Variants in RPS29 observed in about 807,000 individuals in gnomAD.
The protein encoded by RPS29 is ribosomal protein S29.
For synonymous variants in RPS29, 37 were observed against 26.9 expected (o/e 1.37, Z -1.16); for missense variants, 60 against 75.7 (o/e 0.79, Z 0.77).
chr14:49,587,106 G>A (rs1263650444), upstream of RPS29, among the ~76,000 whole-genome samples: 2 of 152,128 alleles, frequency 1.3e-5, no homozygotes, highest in East Asian at 1.9e-4. Context: ...TTGTTAAAGA[G>A]AGTACGTTTT....
downstream of RPS29, among the ~76,000 whole-genome samples, chr14:49,582,010 C>CA (rs953791885): frequency 2.2e-4 from 11 of 50,236 alleles, no homozygotes; most frequent in Non-Finnish European, 4.9e-5. Flanking sequence ...GACCCTGCCC[C>CA]CCAAAAAAAA....
chr14:49,576,469 C>T (rs539472662), exon 3 of RPS29: 13 of 152,158 alleles, frequency 8.5e-5, no homozygotes, highest in African/African-American at 3.1e-4. Flanking sequence ...CTTAATCATA[C>T]CACTAGAAGT....
intron 2 of RPS29, among the ~76,000 whole-genome samples, chr14:49,584,835 G>T (rs1175740574): frequency 1.3e-5 from 2 of 151,332 alleles, no homozygotes; most frequent in Non-Finnish European, 2.9e-5. Flanking sequence ...GAAAGCTGGT[G>T]ATTTTTATCT....
At chr14:49,589,512 A>G (rs1881668242), upstream of RPS29, among the ~76,000 whole-genome samples, 1 of 152,216 alleles carries the variant, frequency 6.6e-6, no homozygotes, top group Non-Finnish European at 1.5e-5. Context: ...AATTATTCTT[A>G]CAGTCTTCTG....
rs763233182 is a variant in RPS29 at position 49,583,642 on chromosome 14, G to T, written c.*25C>A. Reference sequence around the variant, plus strand: ...TGGTTTTTCATTGAGTAGATGCCCCGGATAATCCTCTGAAGGAAGAGCATT... The same window carrying T: ...TGGTTTTTCATTGAGTAGATGCCCCTGATAATCCTCTGAAGGAAGAGCATT... On this transcript the variant is annotated 3_prime_UTR_variant, in exon 3 of 3. Transcript: ENST00000245458. 1 of 1,578,898 alleles carries T rather than the reference G, an allele frequency of 6.3e-7. No individual in the cohort carries two copies. The highest frequency in any genetic ancestry group is 1.2e-5 in the South Asian group (1 of 84,968).
upstream of RPS29, chr14:49,598,706 T>G (rs752306798): frequency 2.3e-5 from 16 of 699,304 alleles, 1 homozygote; most frequent in Non-Finnish European, 7.8e-6. Flanking sequence ...CAACCACCGC[T>G]GCCAGCTGCG....
upstream of RPS29, among the ~76,000 whole-genome samples, chr14:49,590,328 T>A (rs1460875452): frequency 6.6e-6 from 1 of 151,924 alleles, no homozygotes; most frequent in Non-Finnish European, 1.5e-5. Flanking sequence ...ATACAAAAAT[T>A]AGCCAGGCAT....
downstream of RPS29, among the ~76,000 whole-genome samples, chr14:49,579,069 A>T (rs1248090351): frequency 6.6e-6 from 1 of 152,174 alleles, no homozygotes; most frequent in Non-Finnish European, 1.5e-5. Flanking sequence ...TATGTCCCCC[A>T]TAAAATCCAC....
downstream of RPS29, among the ~76,000 whole-genome samples, chr14:49,579,090 C>G (rs1215014711): frequency 5.3e-5 from 8 of 152,084 alleles, no homozygotes; most frequent in African/African-American, 1.9e-4. Flanking sequence ...ATGATGAAAC[C>G]CTAGCCTGTG....
chr14:49,587,943 A>G (rs1309655191), upstream of RPS29, among the ~76,000 whole-genome samples: 1 of 152,380 alleles, frequency 6.6e-6, no homozygotes, highest in East Asian at 1.9e-4. Flanking sequence ...AGAATAGAAG[A>G]TGGACAAAAG....
chr14:49,592,166 TCTTA>T (rs1382766319), intron 1 of RPS29: 1 of 152,070 alleles, frequency 6.6e-6, no homozygotes, highest in Non-Finnish European at 1.5e-5. Flanking sequence ...CATCCCAGAT[TCTTA>T]CTTATTTTTT....
intron 1 of RPS29, among the ~76,000 whole-genome samples, chr14:49,596,918 CTTTT>C (rs11294951): frequency 8.2e-6 from 1 of 121,934 alleles, no homozygotes; most frequent in Non-Finnish European, 1.7e-5. Context: ...TTTTCTTCTT[CTTTT>C]TTTTTTTTTT....
exon 3 of RPS29, chr14:49,574,127 G>C (rs544434324): frequency 6.6e-6 from 1 of 152,306 alleles, no homozygotes; most frequent in East Asian, 1.9e-4. Flanking sequence ...GCAACTGTTA[G>C]GGGTTTTAGT....
chr14:49,598,325 C>G, intron 1 of RPS29: 1 of 617,970 alleles, frequency 1.6e-6, no homozygotes, highest in East Asian at 2.7e-5. Flanking sequence ...ATCAAGAGTA[C>G]GAAGGCCTTG....
intron 1 of RPS29, among the ~76,000 whole-genome samples, chr14:49,592,637 A>G (rs1344591787): frequency 6.7e-6 from 1 of 149,746 alleles, no homozygotes; most frequent in Non-Finnish European, 1.5e-5. Flanking sequence ...TGCCGGGCGC[A>G]GTGGCTCACA....
exon 3 of RPS29, chr14:49,575,453 C>G: frequency 6.6e-6 from 1 of 152,182 alleles, no homozygotes; most frequent in South Asian, 2.1e-4. Context: ...GTCCCACAAA[C>G]AAATAATGGG....
downstream of RPS29, among the ~76,000 whole-genome samples, chr14:49,582,956 C>G (rs12894446): frequency 0.17 from 25,795 of 152,210 alleles, 2,453 homozygotes; most frequent in Admixed American, 0.27. Flanking sequence ...TGACAGATGA[C>G]AGACCCTGTA....
chr14:49,577,661 T>C, exon 3 of RPS29: 2 of 743,366 alleles, frequency 2.7e-6, no homozygotes, highest in Non-Finnish European at 4.9e-6. Flanking sequence ...AAACCTTCTA[T>C]GAACCCTGTT....
At chr14:49,593,089 C>T (rs1881750529) in intron 1 of RPS29, among the ~76,000 whole-genome samples, 1 of 152,100 alleles carries the variant, frequency 6.6e-6, no homozygotes, top group Admixed American at 6.6e-5. Flanking sequence ...CTTTTTTCTC[C>T]TCCCAAATGG....
Sources: allele counts gnomAD v4.1 joint callset (sites outside exome capture counted in the v4.1 genomes callset), GRCh38; gene constraint gnomAD v4.1.1; transcripts MANE v1.5; gene names NCBI Gene and HGNC (gene_info 2026-07-23, HGNC 2026-07-21).